The following DOK6 variants were observed in gnomAD, a reference collection of about 807,000 sequenced individuals.
DOK6 encodes docking protein 6.
In DOK6, 22 loss-of-function variants were observed where a neutral mutation model predicts 44.0. The observed-to-expected ratio is 0.50, with a 90% confidence interval of 0.36 to 0.71. The LOEUF (loss-of-function observed/expected upper bound fraction) is 0.71. DOK6 is among the 30% of genes least tolerant of loss of function. The pLI, the probability that DOK6 is intolerant of heterozygous loss-of-function variation, is 0.00. For missense variants in DOK6, 340 were observed against 416.4 expected (o/e 0.82, Z 1.60); for synonymous variants, 166 against 145.5 (o/e 1.14, Z -1.01).
chr18:69,687,087 A>G (rs2144693157), intron 4 of DOK6, among the ~76,000 whole-genome samples: 1 of 152,318 alleles, frequency 6.6e-6, no homozygotes, highest in African/African-American at 2.4e-5. Flanking sequence ...TAACCCAGAT[A>G]CTTGAAACCA....
chr18:69,633,176 T>C (rs1984728313), intron 3 of DOK6, among the ~76,000 whole-genome samples: 1 of 152,234 alleles, frequency 6.6e-6, no homozygotes, highest in African/African-American at 2.4e-5. Flanking sequence ...AGAATAACAA[T>C]AGCTAATAAT....
At chr18:69,710,587 A>G (rs766388611) in intron 5 of DOK6, among the ~76,000 whole-genome samples, 1 of 152,244 alleles carries the variant, frequency 6.6e-6, no homozygotes, top group Non-Finnish European at 1.5e-5. Context: ...AAAACATATT[A>G]TCTTTTGACC....
At chr18:69,442,623 T>C (rs380778) in intron 1 of DOK6, among the ~76,000 whole-genome samples, 148,126 of 152,272 alleles carry the variant, frequency 0.97, 72,180 homozygotes, top group East Asian at 1. Flanking sequence ...TGGGTGGGGA[T>C]ACAGAGACAA....
At chr18:69,489,354 G>T (rs556294161) in intron 1 of DOK6, among the ~76,000 whole-genome samples, 1 of 152,240 alleles carries the variant, frequency 6.6e-6, no homozygotes, top group South Asian at 2.1e-4. Context: ...AGTACTGAAG[G>T]TCCATCATCT....
chr18:69,533,081 T>C (rs1982028887), intron 1 of DOK6, among the ~76,000 whole-genome samples: 1 of 152,026 alleles, frequency 6.6e-6, no homozygotes, highest in Admixed American at 6.6e-5. Flanking sequence ...CGGTGAAGTA[T>C]CCTCTTAAAA....
rs369890128 is a variant in DOK6 at position 69,612,399 on chromosome 18, T to A, written c.289+12901T>A. Among the ~76,000 whole-genome samples, 4 of 62,476 alleles carry A rather than the reference T, an allele frequency of 6.4e-5. No homozygotes were observed. The South Asian group carries it at 1.7e-3, about 26-fold the overall frequency. The allele number at this position is 62,476 out of a possible 152,430, so 41.0% of individuals were successfully genotyped here. A position where few individuals can be genotyped will look rare whatever the true frequency, so the allele number is the denominator to read the frequency against. ...GCATGTTTATGAGCACGAAGAGACT[T>A]TGTGTGCGAGGGCGCATGTGTGCGA... On this transcript the variant is annotated intron_variant, in intron 3 of 7. Coordinates refer to ENST00000382713, the MANE Select transcript of DOK6 (RefSeq NM_152721.6).
At position 69,731,523 on chromosome 18, in the gene DOK6, C is replaced by CT. The variant is rs1978401007; in HGVS notation, c.600-7436dup. On this transcript the variant is annotated intron_variant, in intron 5 of 7. Coordinates refer to ENST00000382713, the MANE Select transcript of DOK6 (RefSeq NM_152721.6). ...TTTCTATTTGGCTATGATACTTCGT[C>CT]TTTTTTCTATGGTCAGTTGAAATGC... is the stretch of plus-strand genomic sequence containing the variant. Among the ~76,000 whole-genome samples, 6 of 152,226 alleles carry CT rather than the reference C, an allele frequency of 3.9e-5. No homozygotes were observed. The South Asian group carries it at 1.2e-3, about 32-fold the overall frequency.
chr18:69,770,551 G>A (rs1886138417), intron 7 of DOK6, among the ~76,000 whole-genome samples: 1 of 152,166 alleles, frequency 6.6e-6, no homozygotes. Flanking sequence ...TTTGTGTAAA[G>A]TCCGTGGTGT....
chr18:69,807,248 A>G (rs532242373), intron 7 of DOK6, among the ~76,000 whole-genome samples: 6 of 151,872 alleles, frequency 4.0e-5, no homozygotes, highest in Non-Finnish European at 8.8e-5. Flanking sequence ...GATGTTTCCT[A>G]TAAGCCTCAC....
chr18:69,490,736 T>C (rs144065457), intron 1 of DOK6, among the ~76,000 whole-genome samples: 291 of 152,344 alleles, frequency 1.9e-3, no homozygotes, highest in African/African-American at 6.4e-3. Context: ...TGATTCTATT[T>C]AGTTTTGTTT....
At chr18:69,613,249 G>A (rs7229208) in intron 3 of DOK6, among the ~76,000 whole-genome samples, 58,579 of 152,000 alleles carry the variant, frequency 0.39, 13,040 homozygotes, top group Non-Finnish European at 0.5. Context: ...AGCGTGCTGC[G>A]TATGTGTGTG....
chr18:69,722,468 T>C (rs1599286344), intron 5 of DOK6, among the ~76,000 whole-genome samples: 1 of 152,142 alleles, frequency 6.6e-6, no homozygotes, highest in African/African-American at 2.4e-5. Context: ...AAAATGCCCA[T>C]CGCTTTGGTG....
intron 3 of DOK6, among the ~76,000 whole-genome samples, chr18:69,639,195 GTGATCCC>G (rs1459330645): frequency 2.6e-5 from 4 of 152,196 alleles, no homozygotes; most frequent in African/African-American, 9.7e-5. Context: ...CATCGCTCCA[GTGATCCC>G]TGATCCAAAC....
At chr18:69,479,893 G>C (rs960451649) in intron 1 of DOK6, among the ~76,000 whole-genome samples, 5 of 152,128 alleles carry the variant, frequency 3.3e-5, no homozygotes, top group African/African-American at 9.7e-5. Context: ...TGAGTGTGTG[G>C]TAGGGACCTG....
chr18:69,822,938 G>T (rs528137631), intron 7 of DOK6, among the ~76,000 whole-genome samples: 1 of 152,172 alleles, frequency 6.6e-6, no homozygotes, highest in African/African-American at 2.4e-5. Context: ...TAGCTTTATA[G>T]TATTTTTACA....
At chr18:69,726,895 C>G (rs1033137039) in intron 5 of DOK6, among the ~76,000 whole-genome samples, 1 of 151,908 alleles carries the variant, frequency 6.6e-6, no homozygotes, top group African/African-American at 2.4e-5. Context: ...CACTCTGTCA[C>G]CCAGGCTGGA....
In DOK6 at chr18:69,821,798, T is replaced by TAAA. The variant is rs570955269; in HGVS notation, c.857-19446_857-19445insAAA. Among the ~76,000 whole-genome samples the TAAA allele has an allele frequency of 3.9e-3, 500 of 126,974 alleles. 3 individuals are homozygous for TAAA. The highest frequency in any genetic ancestry group is 0.012 in the African/African-American group (411 of 33,900). The allele number at this position is 126,974 out of a possible 152,430, so 83.3% of individuals were successfully genotyped here. ...TGATAGCATGCTATTGTTTTTTTTT[T>TAAA]TAAAAAAAATCCTTTGAAGACTCTT... On this transcript the variant is annotated intron_variant, in intron 7 of 7. Transcript: ENST00000382713.
intron 7 of DOK6, among the ~76,000 whole-genome samples, chr18:69,805,817 T>A (rs1790955): frequency 2.0e-5 from 3 of 151,908 alleles, no homozygotes; most frequent in Non-Finnish European, 4.4e-5. Context: ...AAACTTCTTG[T>A]GGTACGAGTA....
At chr18:69,801,494 C>A in intron 7 of DOK6, among the ~76,000 whole-genome samples, 1 of 152,208 alleles carries the variant, frequency 6.6e-6, no homozygotes. Flanking sequence ...CCAAACTCGT[C>A]TCCTCCTCTA....
Sources: gnomAD v4.1 joint callset for allele counts (sites outside exome capture counted in the v4.1 genomes callset) on GRCh38, gnomAD v4.1.1 for gene constraint, MANE v1.5 for transcripts, NCBI Gene and HGNC (gene_info 2026-07-23, HGNC 2026-07-21) for gene names.